The following PKN3 variants were observed in gnomAD, a reference collection of about 807,000 sequenced individuals.
The protein encoded by PKN3 is serine/threonine-protein kinase N3.
Under a neutral mutation model 113.1 loss-of-function variants are expected in PKN3, and 91 were observed. That is an observed-to-expected ratio of 0.80 (90% CI 0.68 to 0.96). The LOEUF (loss-of-function observed/expected upper bound fraction) is 0.96. PKN3 is among the 40% of genes least tolerant of loss of function. The pLI, the probability that PKN3 is intolerant of heterozygous loss-of-function variation, is 0.00. For synonymous variants in PKN3, 467 were observed against 499.0 expected (o/e 0.94, Z 0.85); for missense variants, 1,052 against 1,202.2 (o/e 0.88, Z 1.85).
At chr9:128,716,297 C>CA (rs35693710) in intron 15 of PKN3, among the ~76,000 whole-genome samples, 2,002 of 98,600 alleles carry the variant, frequency 0.02, 86 homozygotes, top group African/African-American at 0.072. Context: ...GACCCTGTCT[C>CA]AAAAAAAAAA....
At chr9:128,714,515 T>G in intron 11 of PKN3, 47 bp from the exon 12 acceptor site, 1 of 959,608 alleles carries the variant, frequency 1.0e-6, no homozygotes, top group Non-Finnish European at 1.7e-6. Context: ...TCCTGCCAGC[T>G]CTTGCGTCTG....
intron 6 of PKN3, among the ~76,000 whole-genome samples, chr9:128,707,736 C>T (rs1318368943): frequency 6.6e-6 from 1 of 152,156 alleles, no homozygotes; most frequent in African/African-American, 2.4e-5. Flanking sequence ...AGCTCGCAGC[C>T]CTGGAAAGCT....
intron 1 of PKN3, among the ~76,000 whole-genome samples, chr9:128,704,419 C>G (rs1160769934): frequency 6.6e-6 from 1 of 152,194 alleles, no homozygotes; most frequent in Non-Finnish European, 1.5e-5. Context: ...CCCTGGCTGC[C>G]TTCTCATGTG....
At chr9:128,717,006 A>C in intron 16 of PKN3, 83 bp downstream of exon 16, 1 of 1,189,904 alleles carries the variant, frequency 8.4e-7, no homozygotes, top group Non-Finnish European at 1.2e-6. Flanking sequence ...TGCTTTCTCC[A>C]AGTGCCCAAC....
rs1487942026 is a variant in PKN3, at chr9:128,718,542, C to T, written c.2049-7C>T. ...TCAGTCCCTTTGATCTGCACCCTTGCCCTCAGGGACCTGAAGTTGGATAAC... is the reference window on the plus strand; with the variant it reads ...TCAGTCCCTTTGATCTGCACCCTTGTCCTCAGGGACCTGAAGTTGGATAAC... On this transcript the variant is annotated splice_polypyrimidine_tract_variant and splice_region_variant and intron_variant, in intron 17 of 21. Coordinates refer to ENST00000291906, the MANE Select transcript of PKN3 (RefSeq NM_013355.5). 6.2e-7 allele frequency: 1 copy of T among 1,613,740 alleles called. No individual in the cohort carries two copies. Among genetic ancestry groups the T allele is most frequent in the Non-Finnish European group, 8.5e-7 (1 of 1,179,718 alleles).
At chr9:128,709,218 G>A (rs1024452987) in intron 6 of PKN3, among the ~76,000 whole-genome samples, 18 of 151,560 alleles carry the variant, frequency 1.2e-4, no homozygotes, top group Non-Finnish European at 1.9e-4. Context: ...CCCGGGGGGC[G>A]GAGCCTACAG....
In PKN3 at chr9:128,714,551, T is replaced by C. The variant is rs776177821; in HGVS notation, c.1482-11T>C. 3 of 1,132,266 alleles carry C rather than the reference T, an allele frequency of 2.6e-6. No homozygotes were observed. Among genetic ancestry groups the C allele is most frequent in the Non-Finnish European group, 4.1e-6 (3 of 739,864 alleles). 70.1% of individuals were successfully genotyped at this position (1,132,266 alleles called of 1,614,324 possible). On this transcript the variant is annotated splice_polypyrimidine_tract_variant and intron_variant, in intron 11 of 21. Transcript: ENST00000291906. ...CCTGTGCTGGGCACTGTGTCTACTT[T>C]CTCCCTACAGTAATTTCCTGCCCAA...
intron 16 of PKN3, among the ~76,000 whole-genome samples, 200 bp from the exon 17 acceptor site, chr9:128,718,125 G>A (rs917650265): frequency 6.6e-6 from 1 of 152,036 alleles, no homozygotes; most frequent in Non-Finnish European, 1.5e-5. Flanking sequence ...AGGGTGAGCT[G>A]GAAATGCACG....
At position 128,719,358 on chromosome 9, in the gene PKN3, T is replaced by C. The variant is rs145810691; in HGVS notation, c.2126-328T>C. ...GCACATGCCACCACACCCAGCTTAT[T>C]TTTTGTATTTTTAGTAGAGACGGGG... On this transcript the variant is annotated intron_variant, in intron 18 of 21. Coordinates refer to ENST00000291906, the MANE Select transcript of PKN3 (RefSeq NM_013355.5). Among the ~76,000 whole-genome samples, 694 of 151,536 alleles carry C rather than the reference T, an allele frequency of 4.6e-3. 3 individuals carry two copies. Among genetic ancestry groups the C allele is most frequent in the African/African-American group, 0.015 (638 of 41,228 alleles).
intron 6 of PKN3, among the ~76,000 whole-genome samples, chr9:128,710,807 T>C (rs1428525193): frequency 6.6e-6 from 1 of 151,940 alleles, no homozygotes; most frequent in Non-Finnish European, 1.5e-5. Flanking sequence ...GAATGTTTTC[T>C]AGAGGAGGTG....
chr9:128,707,212 C>T lies in PKN3; in HGVS notation c.652-10C>T, dbSNP rs1322976902. ...CCCACGAACCTGGCTCTACGTTGTCCCCTCTGCAGGCCCAGGCCCAGCTAC... is the reference window on the plus strand; with the variant it reads ...CCCACGAACCTGGCTCTACGTTGTCTCCTCTGCAGGCCCAGGCCCAGCTAC... On this transcript the variant is annotated splice_polypyrimidine_tract_variant and intron_variant, in intron 5 of 21. Coordinates refer to ENST00000291906, the MANE Select transcript of PKN3 (RefSeq NM_013355.5). 5 of 1,597,620 alleles carry T rather than the reference C, an allele frequency of 3.1e-6. No homozygotes were observed. The highest frequency in any genetic ancestry group is 4.3e-6 in the Non-Finnish European group (5 of 1,168,490).
chr9:128,713,097 C>T lies in PKN3; in HGVS notation c.881C>T (p.Ala294Val). ...RLLGCEQLLT[A>V]VPGRSPAAAL... ...CTGGGCTGTGAACAGTTGCTGACAG[C>T]CGTGCCTGGGCGCTCCCCAGCGGCC... The change falls in exon 7 of 22, where the codon GCC (alanine) becomes GTC (valine). Residue 294 changes from alanine (A) to valine (V), a missense_variant. By Grantham distance (64) the Ala-to-Val change is moderately conservative. This residue lies in a region of PKN3 where 719 missense variants were observed against 759.4 expected (regional missense o/e 0.95). Transcript: ENST00000291906. The T allele has an allele frequency of 1.2e-6, 2 of 1,612,090 alleles. No individual in the cohort carries two copies. Among genetic ancestry groups the T allele is most frequent in the East Asian group, 4.5e-5 (2 of 44,850 alleles).
rs1862223381 is a variant in PKN3, at chr9:128,713,037, T to C, written c.836-15T>C. On this transcript the variant is annotated splice_polypyrimidine_tract_variant and intron_variant, in intron 6 of 21. Coordinates refer to ENST00000291906, the MANE Select transcript of PKN3 (RefSeq NM_013355.5). ...GATGGCATCTGACAACGCCCCCCGC[T>C]CACTCTCCCCACAGGGACACTGCAG... The C allele has an allele frequency of 1.9e-6, 3 of 1,581,798 alleles. No individual in the cohort carries two copies. The highest frequency in any genetic ancestry group is 2.6e-6 in the Non-Finnish European group (3 of 1,160,704).
At chr9:128,705,233 A>G in intron 1 of PKN3, 70 bp from the exon 2 acceptor site, 1 of 1,534,832 alleles carries the variant, frequency 6.5e-7, no homozygotes, top group Non-Finnish European at 8.8e-7. Context: ...ATCTGCAGTG[A>G]GCAAAGGCTG....
chr9:128,714,540 T>C (rs748475333), intron 11 of PKN3, 22 bp from the exon 12 acceptor site: 8 of 980,494 alleles, frequency 8.2e-6, no homozygotes, highest in South Asian at 6.4e-5. Flanking sequence ...TGCTGGGCAC[T>C]GTGTCTACTT....
chr9:128,719,340 C>T (rs1394776515), intron 18 of PKN3, among the ~76,000 whole-genome samples: 3 of 151,862 alleles, frequency 2.0e-5, no homozygotes, highest in African/African-American at 7.3e-5. Flanking sequence ...CAGGCACATG[C>T]CACCACACCC....
intron 17 of PKN3, 31 bp downstream of exon 17, chr9:128,718,418 AGGGGTG>A (rs770306207): frequency 2.7e-5 from 12 of 444,278 alleles, no homozygotes; most frequent in South Asian, 4.6e-5. Flanking sequence ...GCACGGGGGT[AGGGGTG>A]GGGGTGGGGG....
intron 6 of PKN3, among the ~76,000 whole-genome samples, chr9:128,712,047 T>C (rs1357596874): frequency 6.6e-6 from 1 of 152,178 alleles, no homozygotes; most frequent in Non-Finnish European, 1.5e-5. Flanking sequence ...GTAGCTGGGA[T>C]TACAGGTGCC....
At chr9:128,703,328 G>C (rs1186696210) in intron 1 of PKN3, 1 of 976,136 alleles carries the variant, frequency 1.0e-6, no homozygotes. Flanking sequence ...GGGGCCTGGG[G>C]GGGTTAGAAT....
Sources: gnomAD v4.1 joint callset for allele counts (sites outside exome capture counted in the v4.1 genomes callset) on GRCh38, gnomAD v4.1.1 for gene constraint, gnomAD v4.1.1 regional missense constraint, MANE v1.5 for transcripts, NCBI Gene and HGNC (gene_info 2026-07-23, HGNC 2026-07-21) for gene names.